DOCK9: variants seen among roughly 807,000 people sequenced by gnomAD.
The protein encoded by DOCK9 is dedicator of cytokinesis 9.
Under a neutral mutation model 263.3 loss-of-function variants are expected in DOCK9, and 89 were observed. That is an observed-to-expected ratio of 0.34 (90% CI 0.28 to 0.40). The LOEUF (loss-of-function observed/expected upper bound fraction) is 0.40, where lower values mean the gene tolerates loss of function less well. Among genes scored for constraint, DOCK9 ranks in the 10% least tolerant of loss-of-function variants. DOCK9 has a pLI of 1.00. For missense variants in DOCK9, 2,140 were observed against 2,603.4 expected, an observed-to-expected ratio of 0.82 and a Z score of 3.87; for synonymous variants, 976 against 973.1, an observed-to-expected ratio of 1.00 and a Z score of -0.06.
At chr13:98,831,120 T>C (rs2092744861) in intron 41 of DOCK9, among the ~76,000 whole-genome samples, 1 of 152,204 alleles carries the variant, frequency 6.6e-6, no homozygotes, top group Non-Finnish European at 1.5e-5. Context: ...CAGTCCAATA[T>C]TGATTCAATA....
At chr13:98,869,423 T>G (rs1325320491) in intron 27 of DOCK9, among the ~76,000 whole-genome samples, 1 of 152,246 alleles carries the variant, frequency 6.6e-6, no homozygotes, top group Non-Finnish European at 1.5e-5. Flanking sequence ...CAGACCCAGG[T>G]CTACCACAGA....
chr13:99,064,312 T>C (rs1212475967), intron 1 of DOCK9, among the ~76,000 whole-genome samples: 1 of 152,202 alleles, frequency 6.6e-6, no homozygotes, highest in African/African-American at 2.4e-5. Flanking sequence ...CTGTTGTCAC[T>C]ATATTGATAA....
At chr13:98,929,284 A>G (rs1595406740) in intron 3 of DOCK9, among the ~76,000 whole-genome samples, 1 of 152,182 alleles carries the variant, frequency 6.6e-6, no homozygotes, top group Admixed American at 6.5e-5. Context: ...GGCTCATGCC[A>G]GTAATCCTAG....
chr13:98,798,998 A>G (rs527599036), intron 50 of DOCK9, among the ~76,000 whole-genome samples: 1 of 152,308 alleles, frequency 6.6e-6, no homozygotes, highest in Non-Finnish European at 1.5e-5. Context: ...ATGTTGATTG[A>G]GTGGTTTTGT....
At chr13:99,017,691 T>C (rs547785396) in intron 1 of DOCK9, among the ~76,000 whole-genome samples, 22 of 152,322 alleles carry the variant, frequency 1.4e-4, no homozygotes, top group African/African-American at 4.6e-4. Flanking sequence ...AGAAGAATAA[T>C]TGTCTCGGGC....
chr13:98,896,082 T>C (rs753215638), intron 15 of DOCK9, among the ~76,000 whole-genome samples: 11 of 152,336 alleles, frequency 7.2e-5, no homozygotes, highest in South Asian at 4.1e-4. Context: ...CCAGCGGGCA[T>C]GCACACTGCT....
At chr13:98,956,116 G>C (rs1424819518) in intron 1 of DOCK9, among the ~76,000 whole-genome samples, 1 of 152,256 alleles carries the variant, frequency 6.6e-6, no homozygotes, top group Non-Finnish European at 1.5e-5. Context: ...CCAGCCAAGA[G>C]GCTGGGTCAC....
intron 50 of DOCK9, among the ~76,000 whole-genome samples, chr13:98,798,566 C>T (rs1156972384): frequency 2.6e-5 from 4 of 152,070 alleles, no homozygotes; most frequent in Admixed American, 1.3e-4. Flanking sequence ...TGATACAAGA[C>T]GGTCTGTATT....
At chr13:98,870,411 G>C (rs16955990) in intron 27 of DOCK9, among the ~76,000 whole-genome samples, 5,089 of 152,224 alleles carry the variant, frequency 0.033, 276 homozygotes, top group African/African-American at 0.12. Context: ...TATATCCTGA[G>C]ATGACAGCAT....
intron 47 of DOCK9, chr13:98,808,815 A>T: frequency 1.5e-6 from 1 of 682,252 alleles, no homozygotes; most frequent in East Asian, 2.8e-5. Context: ...ATTTAAGTTA[A>T]ATTTAGATAA....
intron 1 of DOCK9, among the ~76,000 whole-genome samples, chr13:99,006,459 G>A (rs1232690782): frequency 6.6e-6 from 1 of 152,140 alleles, no homozygotes; most frequent in Non-Finnish European, 1.5e-5. Flanking sequence ...CAACAGAGAA[G>A]TATTTAAATA....
intron 39 of DOCK9, among the ~76,000 whole-genome samples, chr13:98,835,627 G>A (rs1422542061): frequency 6.6e-6 from 1 of 151,586 alleles, no homozygotes; most frequent in African/African-American, 2.4e-5. Context: ...CAGTGCTACT[G>A]TCAACCTGGA....
chr13:98,842,504 T>C (rs1308690454), intron 38 of DOCK9, among the ~76,000 whole-genome samples: 1 of 152,354 alleles, frequency 6.6e-6, no homozygotes, highest in South Asian at 2.1e-4. Context: ...AAATATGAAT[T>C]ATGCAAATGA....
intron 1 of DOCK9, among the ~76,000 whole-genome samples, chr13:99,082,426 G>A (rs1354487515): frequency 1.3e-5 from 2 of 151,494 alleles, no homozygotes; most frequent in African/African-American, 2.4e-5. Flanking sequence ...GGCTGAGGCA[G>A]GAGAACCACT....
At chr13:98,897,231 C>G (rs143542579) in intron 15 of DOCK9, among the ~76,000 whole-genome samples, 1 of 152,306 alleles carries the variant, frequency 6.6e-6, no homozygotes, top group Non-Finnish European at 1.5e-5. Context: ...TGTTTCCTCC[C>G]CACCATAGGC....
At chr13:99,007,667 A>C (rs1487244646) in intron 1 of DOCK9, among the ~76,000 whole-genome samples, 1 of 152,208 alleles carries the variant, frequency 6.6e-6, no homozygotes, top group Admixed American at 6.5e-5. Flanking sequence ...GGGATGTTTA[A>C]GAATGCTCAT....
At chr13:98,888,785 C>A in intron 15 of DOCK9, 74 bp from the exon 16 acceptor site, 1 of 1,290,294 alleles carries the variant, frequency 7.8e-7, no homozygotes. Flanking sequence ...GCAGCACTTC[C>A]AAGAGAAATA....
Position 98,880,604 on chromosome 13 carries a change from G to A in DOCK9, c.2814C>T (p.Ser938=), listed in dbSNP as rs772368293. Reference sequence around the variant, plus strand: ...CAGAAGGCTTGAGAATCGTGGTCATGGATTTGGTCAGTTCTTCATGCACTG... The same window carrying A: ...CAGAAGGCTTGAGAATCGTGGTCATAGATTTGGTCAGTTCTTCATGCACTG... The part of the protein sequence containing the change: ...YKTVHEELTK[S]MTTILKPSAD... Residue 938 remains serine, a synonymous_variant, in exon 26 of 53, where the codon TCC becomes TCT. Coordinates refer to ENST00000682017, the MANE Select transcript of DOCK9 (RefSeq NM_001366683.2). The A allele has an allele frequency of 6.2e-7, 1 of 1,613,796 alleles. No individual in the cohort carries two copies. The highest frequency in any genetic ancestry group is 1.3e-5 in the African/African-American group (1 of 74,908).
chr13:99,008,216 A>C (rs1022874421), intron 1 of DOCK9, among the ~76,000 whole-genome samples: 5,514 of 58,616 alleles, frequency 0.094, 137 homozygotes, highest in Non-Finnish European at 0.12. Context: ...CTCTCTCTAT[A>C]TATATATATA....
Sources: gnomAD v4.1 joint callset for allele counts (sites outside exome capture counted in the v4.1 genomes callset) on GRCh38, gnomAD v4.1.1 for gene constraint, MANE v1.5 for transcripts, NCBI Gene and HGNC (gene_info 2026-07-23, HGNC 2026-07-21) for gene names.